Variants in KATNAL2 observed in about 807,000 individuals in gnomAD.
The protein encoded by KATNAL2 is katanin catalytic subunit A1 like 2.
KATNAL2 carries 52 observed loss-of-function variants against 76.3 expected under a neutral mutation model. That is an observed-to-expected ratio of 0.68 (90% CI 0.55 to 0.86). The LOEUF (loss-of-function observed/expected upper bound fraction) is 0.86, where lower values mean the gene tolerates loss of function less well. Ranked by LOEUF, KATNAL2 falls within the 40% of genes least tolerant of loss-of-function variation. The pLI, the probability that KATNAL2 is intolerant of heterozygous loss-of-function variation, is 0.00. For synonymous variants in KATNAL2, 243 were observed against 244.2 expected, an observed-to-expected ratio of 1.00 and a Z score of 0.05; for missense variants, 660 against 668.9, an observed-to-expected ratio of 0.99 and a Z score of 0.15.
chr18:47,095,262 G>A (rs1469957527), intron 15 of KATNAL2, among the ~76,000 whole-genome samples: 1 of 152,190 alleles, frequency 6.6e-6, no homozygotes, highest in Admixed American at 6.5e-5. Flanking sequence ...TTAATTTAAA[G>A]TTCATCAACA....
chr18:47,051,229 C>T (rs1227500324), intron 4 of KATNAL2, among the ~76,000 whole-genome samples: 1 of 152,004 alleles, frequency 6.6e-6, no homozygotes, highest in Non-Finnish European at 1.5e-5. Flanking sequence ...CGTTCGGGAC[C>T]AGCCTGGGCA....
At chr18:47,074,498 A>T (rs190538341) in intron 13 of KATNAL2, among the ~76,000 whole-genome samples, 2 of 152,204 alleles carry the variant, frequency 1.3e-5, no homozygotes, top group East Asian at 3.9e-4. Context: ...CCAGTGAAGG[A>T]TTGTATATGA....
intron 16 of KATNAL2, 117 bp downstream of exon 16, chr18:47,099,522 C>A (rs944669128): frequency 1.0e-6 from 1 of 977,094 alleles, no homozygotes; most frequent in Non-Finnish European, 1.5e-6. Flanking sequence ...AAGATCCAAG[C>A]TGCCCCCGTA....
chr18:46,929,324 C>A, intron 1 of KATNAL2, among the ~76,000 whole-genome samples: 1 of 151,986 alleles, frequency 6.6e-6, no homozygotes, highest in Admixed American at 6.6e-5. Context: ...CTCACTGCAA[C>A]CTCCACCTTC....
intron 3 of KATNAL2, among the ~76,000 whole-genome samples, chr18:47,035,973 A>T (rs544172014): frequency 5.8e-4 from 89 of 152,300 alleles, no homozygotes; most frequent in African/African-American, 2.0e-3. Flanking sequence ...ACAAAAATAA[A>T]ACCGGTAGAT....
At chr18:47,090,746 C>T (rs1453415358) in intron 15 of KATNAL2, among the ~76,000 whole-genome samples, 1 of 152,058 alleles carries the variant, frequency 6.6e-6, no homozygotes, top group East Asian at 1.9e-4. Flanking sequence ...AGGAAAATGG[C>T]CTGAGTAGAA....
chr18:47,045,259 A>G (rs1235729820), intron 3 of KATNAL2, among the ~76,000 whole-genome samples: 1 of 152,034 alleles, frequency 6.6e-6, no homozygotes, highest in Non-Finnish European at 1.5e-5. Context: ...AATTTTTAGA[A>G]AACTCTGCAT....
Position 47,069,569 on chromosome 18 carries a change from A to G in KATNAL2, c.977A>G (p.Lys326Arg). ...FNISASTIVS[K>R]WRGDSEKLVR... The stretch of plus-strand genomic sequence containing the variant: ...ATTTCTGCATCCACCATTGTCAGCA[A>G]ATGGAGAGGGGATTCAGAAAAACTC... The change falls in exon 13 of 18, where the codon AAA becomes AGA. Residue 326 changes from lysine (K) to arginine (R), a missense_variant. Coordinates refer to ENST00000683218, the MANE Select transcript of KATNAL2 (RefSeq NM_001387690.1). The G allele has an allele frequency of 1.2e-6, 2 of 1,613,642 alleles. No homozygotes were observed. Among genetic ancestry groups the G allele is most frequent in the Admixed American group, 1.7e-5 (1 of 59,914 alleles).
At chr18:46,956,118 A>G (rs1051379358) in intron 3 of KATNAL2, among the ~76,000 whole-genome samples, 2 of 152,190 alleles carry the variant, frequency 1.3e-5, no homozygotes, top group African/African-American at 4.8e-5. Context: ...ATTCAAATTT[A>G]GTTTTCAATA....
chr18:46,921,190 C>T (rs1341783966), intron 1 of KATNAL2, among the ~76,000 whole-genome samples: 5 of 152,138 alleles, frequency 3.3e-5, no homozygotes, highest in Non-Finnish European at 7.3e-5. Context: ...TGCAGTGGCA[C>T]GATCTCGGCT....
intron 3 of KATNAL2, among the ~76,000 whole-genome samples, chr18:46,959,857 G>C (rs1334698053): frequency 5.9e-5 from 9 of 152,190 alleles, no homozygotes; most frequent in Non-Finnish European, 1.3e-4. Flanking sequence ...TTACAGGTGT[G>C]AGCCACCACG....
At chr18:47,082,356 C>T (rs1026328329) in intron 15 of KATNAL2, among the ~76,000 whole-genome samples, 4 of 152,184 alleles carry the variant, frequency 2.6e-5, no homozygotes, top group African/African-American at 7.2e-5. Flanking sequence ...TGTCTTTAGA[C>T]ATTGCCATAT....
chr18:47,075,304 GC>G lies in KATNAL2; in HGVS notation c.1040del (p.Pro347HisfsTer12). 6.4e-7 allele frequency: 1 copy of G among 1,560,354 alleles called. No individual in the cohort carries two copies. ...RVLFELARYH[A>X]PSTIFLDELE... The stretch of plus-strand genomic sequence containing the variant: ...GTTATTTGAGCTTGCCCGCTACCAC[GC>G]CCCATCCACGATCTTCCTGGACGAG... On this transcript the variant is annotated frameshift_variant, in exon 14 of 18. Transcript: ENST00000683218. LOFTEE classifies it high-confidence loss of function.
chr18:47,096,412 G>A (rs2063239322), intron 15 of KATNAL2, among the ~76,000 whole-genome samples: 1 of 152,006 alleles, frequency 6.6e-6, no homozygotes, highest in Non-Finnish European at 1.5e-5. Flanking sequence ...TATGATCTCG[G>A]CTCACTACAA....
At chr18:46,958,335 G>A (rs372244716) in intron 3 of KATNAL2, among the ~76,000 whole-genome samples, 13 of 151,922 alleles carry the variant, frequency 8.6e-5, no homozygotes, top group African/African-American at 2.9e-4. Flanking sequence ...TCACATGAGC[G>A]TTATAATAAT....
chr18:47,041,098 A>G (rs2060947105), intron 3 of KATNAL2, among the ~76,000 whole-genome samples: 1 of 152,234 alleles, frequency 6.6e-6, no homozygotes, highest in Non-Finnish European at 1.5e-5. Context: ...CAAATTGAAC[A>G]AAGTATAGAG....
At chr18:47,091,006 C>T (rs1250565454) in intron 15 of KATNAL2, among the ~76,000 whole-genome samples, 1 of 152,200 alleles carries the variant, frequency 6.6e-6, no homozygotes, top group African/African-American at 2.4e-5. Flanking sequence ...ACTTTTAAAA[C>T]TGAAGGTTGG....
chr18:47,052,278 A>G (rs1290497271), intron 4 of KATNAL2, among the ~76,000 whole-genome samples: 3 of 152,188 alleles, frequency 2.0e-5, no homozygotes, highest in African/African-American at 7.2e-5. Context: ...ATACAGAAAC[A>G]CTCTGAAGTG....
rs147491271 is a variant in KATNAL2, at chr18:47,098,497, T to C, written c.1212-746T>C. ...TGGTGGAAACTGCTCACGATTCAAA[T>C]TATCTCCTACTGGGTCCCTCCCACA... On this transcript the variant is annotated intron_variant, in intron 15 of 17. Transcript: ENST00000683218. 2.0e-3 allele frequency: 327 copies of C among 160,612 alleles called. 1 individual carries two copies. The highest frequency in any genetic ancestry group is 7.6e-3 in the African/African-American group (317 of 41,688). The allele number at this position is 160,612 out of a possible 1,614,324, so 9.9% of individuals were successfully genotyped here.
Sources: allele counts gnomAD v4.1 joint callset (sites outside exome capture counted in the v4.1 genomes callset), GRCh38; gene constraint gnomAD v4.1.1; transcripts MANE v1.5; gene names NCBI Gene and HGNC (gene_info 2026-07-23, HGNC 2026-07-21).